Variants in CFAP43 observed in about 807,000 individuals in gnomAD.
CFAP43 encodes cilia- and flagella-associated protein 43.
Under a neutral mutation model 218.9 loss-of-function variants are expected in CFAP43, and 155 were observed. That is an observed-to-expected ratio of 0.71 (90% confidence interval 0.62 to 0.81). CFAP43 has a LOEUF of 0.81. Among genes scored for constraint, CFAP43 ranks in the 30% least tolerant of loss-of-function variants. The pLI is 0.00. For synonymous variants in CFAP43, 645 were observed against 681.3 expected (o/e 0.95, Z 0.83); for missense variants, 1,778 against 1,954.3 (o/e 0.91, Z 1.70).
chr10:104,198,071 G>T, intron 8 of CFAP43, 33 bp from the exon 9 acceptor site: 4 of 1,303,930 alleles, frequency 3.1e-6, no homozygotes, highest in Non-Finnish European at 4.4e-6. Context: ...GAAACACATT[G>T]TAATTGTTGT....
intron 16 of CFAP43, among the ~76,000 whole-genome samples, chr10:104,182,951 A>G (rs2089903728): frequency 6.6e-6 from 1 of 151,876 alleles, no homozygotes. Flanking sequence ...TTTCTAGGGT[A>G]CCCTCTCCTC....
chr10:104,172,104 G>A (rs796307596), intron 20 of CFAP43, among the ~76,000 whole-genome samples: 16 of 152,252 alleles, frequency 1.1e-4, no homozygotes, highest in African/African-American at 2.4e-4. Context: ...AACCAGAAGC[G>A]TCCAAAGTTG....
chr10:104,201,355 T>C (rs2134942226), intron 8 of CFAP43, among the ~76,000 whole-genome samples: 2 of 152,288 alleles, frequency 1.3e-5, no homozygotes, highest in Middle Eastern at 3.4e-3. Flanking sequence ...GATTTTAATT[T>C]ATGCTTTTTG....
chr10:104,162,293 C>T (rs2088918629), intron 25 of CFAP43, 24 bp downstream of exon 25: 1 of 1,583,568 alleles, frequency 6.3e-7, no homozygotes, highest in Admixed American at 1.7e-5. Flanking sequence ...GGTCTTAGGA[C>T]CTGTGTTAAG....
chr10:104,194,664 G>A (rs1209408009), intron 10 of CFAP43, among the ~76,000 whole-genome samples: 1 of 152,144 alleles, frequency 6.6e-6, no homozygotes, highest in Non-Finnish European at 1.5e-5. Context: ...ATCTCACAAT[G>A]ATTTATACAG....
intron 19 of CFAP43, among the ~76,000 whole-genome samples, chr10:104,174,908 A>T (rs1317642892): frequency 6.6e-6 from 1 of 151,756 alleles, no homozygotes; most frequent in African/African-American, 2.4e-5. Flanking sequence ...ACAAAAAATC[A>T]GCTGGGCGAG....
chr10:104,232,363 A>G lies in CFAP43; in HGVS notation c.-117T>C. Reference sequence around the variant, plus strand: ...CGACGCCGCTGCTGTGTACACCCGTATCCCGGAGACCGTAAGCCCCGCGCC... The same window carrying G: ...CGACGCCGCTGCTGTGTACACCCGTGTCCCGGAGACCGTAAGCCCCGCGCC... On this transcript the variant is annotated 5_prime_UTR_variant, in exon 1 of 38. Coordinates refer to ENST00000357060, the MANE Select transcript of CFAP43 (RefSeq NM_025145.7). 1 of 1,058,688 alleles carries G rather than the reference A, an allele frequency of 9.4e-7. No individual in the cohort carries two copies. 65.6% of individuals were successfully genotyped at this position (1,058,688 alleles called of 1,614,324 possible). A position where few individuals can be genotyped will look rare whatever the true frequency, so the allele number is the denominator to read the frequency against.
At chr10:104,156,836 C>T (rs554239318) in intron 27 of CFAP43, among the ~76,000 whole-genome samples, 11 of 152,218 alleles carry the variant, frequency 7.2e-5, no homozygotes, top group Admixed American at 2.0e-4. Context: ...ACCCAGAAAA[C>T]GGCAAGGAGA....
At chr10:104,140,002 G>T (rs560034933) in intron 34 of CFAP43, among the ~76,000 whole-genome samples, 1 of 151,958 alleles carries the variant, frequency 6.6e-6, no homozygotes, top group Admixed American at 6.6e-5. Flanking sequence ...TAAATAACAC[G>T]CTTTTAAATA....
intron 3 of CFAP43, among the ~76,000 whole-genome samples, chr10:104,218,086 C>A (rs564143032): frequency 6.6e-6 from 1 of 152,124 alleles, no homozygotes; most frequent in Non-Finnish European, 1.5e-5. Flanking sequence ...CAGTGGCTCA[C>A]GCCTGTAATC....
At chr10:104,221,189 G>C (rs1468097712) in intron 3 of CFAP43, among the ~76,000 whole-genome samples, 1 of 152,110 alleles carries the variant, frequency 6.6e-6, no homozygotes, top group East Asian at 1.9e-4. Flanking sequence ...TGGCCAGGCT[G>C]GTCTCGAACT....
intron 34 of CFAP43, among the ~76,000 whole-genome samples, chr10:104,137,861 AC>A (rs2087525457): frequency 6.6e-6 from 1 of 152,184 alleles, no homozygotes; most frequent in African/African-American, 2.4e-5. Flanking sequence ...TACTAGCTGC[AC>A]AACTTTGCGA....
At chr10:104,133,900 T>C (rs1357912999) in intron 34 of CFAP43, 116 bp from the exon 35 acceptor site, 11 of 990,190 alleles carry the variant, frequency 1.1e-5, no homozygotes, top group Non-Finnish European at 1.4e-5. Flanking sequence ...AATTCTGTCT[T>C]CTTTTTAAGA....
At chr10:104,216,951 G>T (rs1432369587) in intron 3 of CFAP43, among the ~76,000 whole-genome samples, 2 of 152,122 alleles carry the variant, frequency 1.3e-5, no homozygotes, top group African/African-American at 4.8e-5. Context: ...GAGTCTCCTA[G>T]GTGGGTCCCT....
intron 23 of CFAP43, among the ~76,000 whole-genome samples, chr10:104,166,274 A>G (rs2089146202): frequency 6.6e-6 from 1 of 152,092 alleles, no homozygotes; most frequent in Non-Finnish European, 1.5e-5. Context: ...GGGTTTCACC[A>G]TGTTAGCTAG....
chr10:104,165,844 G>A (rs1249701759), intron 23 of CFAP43, among the ~76,000 whole-genome samples: 1 of 152,132 alleles, frequency 6.6e-6, no homozygotes, highest in Non-Finnish European at 1.5e-5. Context: ...AATCCTAATT[G>A]ACATTTGGGT....
chr10:104,204,441 G>A (rs1262610737), intron 7 of CFAP43, among the ~76,000 whole-genome samples: 1 of 152,194 alleles, frequency 6.6e-6, no homozygotes, highest in Non-Finnish European at 1.5e-5. Context: ...TCATTTTCTA[G>A]ATTAGATCTG....
At chr10:104,171,396 T>C (rs1263563355) in intron 20 of CFAP43, among the ~76,000 whole-genome samples, 1 of 152,242 alleles carries the variant, frequency 6.6e-6, no homozygotes, top group East Asian at 1.9e-4. Context: ...CATTCACTAA[T>C]TTGACAAATC....
At chr10:104,130,542 T>C (rs1564701319) in intron 37 of CFAP43, among the ~76,000 whole-genome samples, 1 of 151,594 alleles carries the variant, frequency 6.6e-6, no homozygotes, top group Non-Finnish European at 1.5e-5. Flanking sequence ...TACACAGCCA[T>C]AAAAAAAAGA....
Sources: allele counts gnomAD v4.1 joint callset (sites outside exome capture counted in the v4.1 genomes callset), GRCh38; gene constraint gnomAD v4.1.1; transcripts MANE v1.5; gene names NCBI Gene and HGNC (gene_info 2026-07-23, HGNC 2026-07-21).